Variants in TEX11 observed in about 807,000 individuals in gnomAD.
TEX11 encodes the protein testis expressed 11.
A neutral mutation model predicts 84.4 loss-of-function variants in TEX11; 7 were observed. The observed-to-expected ratio is 0.08, with a 90% confidence interval of 0.05 to 0.16. The LOEUF is 0.16. Among genes scored for constraint, TEX11 ranks in the 10% least tolerant of loss-of-function variants. TEX11 has a pLI of 1.00. For synonymous variants in TEX11, 264 were observed against 222.8 expected, an observed-to-expected ratio of 1.18 and a Z score of -1.64; for missense variants, 551 against 660.5, an observed-to-expected ratio of 0.83 and a Z score of 1.82.
intron 9 of TEX11, among the ~76,000 whole-genome samples, chrX:70,753,065 A>C (rs1032271702): frequency 1.8e-5 from 2 of 109,987 alleles, no homozygotes; most frequent in African/African-American, 6.6e-5. Context: ...TTGAGATCCC[A>C]CAAGCCCCGC....
intron 8 of TEX11, among the ~76,000 whole-genome samples, chrX:70,816,612 T>C (rs1347475216): frequency 2.7e-5 from 3 of 109,343 alleles, no homozygotes; most frequent in Non-Finnish European, 3.8e-5. Flanking sequence ...CTCAGGAGGC[T>C]GAGGCAGGAC....
At chrX:70,641,982 T>C (rs769304474) in intron 17 of TEX11, among the ~76,000 whole-genome samples, 1 of 110,553 alleles carries the variant, frequency 9.0e-6, no homozygotes, top group South Asian at 3.9e-4. Flanking sequence ...ATCCAGGAGC[T>C]GGTTTTTTGA....
chrX:70,773,610 T>C (rs2090984443), intron 9 of TEX11, among the ~76,000 whole-genome samples: 2 of 111,465 alleles, frequency 1.8e-5, no homozygotes, highest in African/African-American at 6.5e-5. Context: ...AAACTCACCA[T>C]AAAGGTAAGA....
intron 16 of TEX11, among the ~76,000 whole-genome samples, chrX:70,662,066 C>T (rs920171741): frequency 9.0e-6 from 1 of 111,526 alleles, no homozygotes; most frequent in Non-Finnish European, 1.9e-5. Flanking sequence ...CAAACTACTC[C>T]GAGCTAAAGG....
At chrX:70,620,028 G>A (rs1236276721) in intron 20 of TEX11, among the ~76,000 whole-genome samples, 1 of 110,366 alleles carries the variant, frequency 9.1e-6, no homozygotes, top group Non-Finnish European at 1.9e-5. Context: ...GTTTCACTGT[G>A]TCAGCCAGGA....
chrX:70,648,738 A>C (rs944632339), intron 17 of TEX11, among the ~76,000 whole-genome samples: 3 of 111,392 alleles, frequency 2.7e-5, no homozygotes, highest in Non-Finnish European at 5.7e-5. Flanking sequence ...AAGTTCTAGG[A>C]TACATGTGCA....
intron 17 of TEX11, among the ~76,000 whole-genome samples, chrX:70,637,210 T>C (rs1177322608): frequency 8.9e-6 from 1 of 112,098 alleles, no homozygotes; most frequent in Non-Finnish European, 1.9e-5. Flanking sequence ...TACCATCTCA[T>C]GCCAGTCAGA....
chrX:70,889,341 C>G (rs1224706370), intron 2 of TEX11, among the ~76,000 whole-genome samples: 1 of 109,605 alleles, frequency 9.1e-6, no homozygotes, highest in Non-Finnish European at 1.9e-5. Flanking sequence ...CGCTTGAACC[C>G]AGGAGGCGGT....
chrX:70,908,103 C>T (rs931511167), intron 1 of TEX11, among the ~76,000 whole-genome samples: 5 of 111,521 alleles, frequency 4.5e-5, no homozygotes. Context: ...GCTCAAAATC[C>T]GCTTCCGCTA....
intron 28 of TEX11, among the ~76,000 whole-genome samples, chrX:70,547,858 T>C (rs1309692462): frequency 8.9e-6 from 1 of 112,096 alleles, no homozygotes; most frequent in Non-Finnish European, 1.9e-5. Flanking sequence ...GAAGTCAGTG[T>C]GGCAATTCCT....
chrX:70,846,656 G>A (rs779172381), intron 7 of TEX11, among the ~76,000 whole-genome samples: 9 of 111,856 alleles, frequency 8.0e-5, no homozygotes, highest in African/African-American at 9.7e-5. Flanking sequence ...AGGCATGGTC[G>A]CTCACGCCTG....
intron 9 of TEX11, among the ~76,000 whole-genome samples, chrX:70,751,725 A>C (rs1390847492): frequency 8.9e-6 from 1 of 112,186 alleles, no homozygotes; most frequent in Non-Finnish European, 1.9e-5. Flanking sequence ...ATACATTCCC[A>C]GGTAAGCAAA....
chrX:70,656,725 G>A (rs1378669432), intron 16 of TEX11, among the ~76,000 whole-genome samples: 3 of 111,939 alleles, frequency 2.7e-5, no homozygotes, highest in Non-Finnish European at 3.8e-5. Context: ...AGAAAAGGAG[G>A]ACCCCAAAAT....
intron 9 of TEX11, among the ~76,000 whole-genome samples, chrX:70,744,461 A>G (rs1242742257): frequency 9.2e-6 from 1 of 108,497 alleles, no homozygotes; most frequent in African/African-American, 3.3e-5. Flanking sequence ...CACTACAATT[A>G]TATTGATGCC....
intron 28 of TEX11, among the ~76,000 whole-genome samples, chrX:70,546,060 T>C (rs1240219499): frequency 8.9e-6 from 1 of 112,172 alleles, no homozygotes; most frequent in Non-Finnish European, 1.9e-5. Flanking sequence ...GTACAAGCTG[T>C]TAAAGTTTAC....
At chrX:70,702,571 T>C (rs190360545) in intron 13 of TEX11, among the ~76,000 whole-genome samples, 150 of 111,828 alleles carry the variant, frequency 1.3e-3, no homozygotes, top group African/African-American at 4.7e-3. Context: ...GATGTTTGCC[T>C]GCATATAGTT....
chrX:70,726,183 T>C lies in TEX11; in HGVS notation c.844-840A>G, dbSNP rs573607223. ...CAATTCCCTTTTATCTTCAGAGACA[T>C]AGAGGTCTTCCAGATCTTGGCAACA... is the stretch of plus-strand genomic sequence containing the variant. On this transcript the variant is annotated intron_variant, in intron 11 of 29. Coordinates refer to ENST00000374333, the MANE Select transcript of TEX11 (RefSeq NM_031276.3). Among the ~76,000 whole-genome samples, 8 of 112,271 alleles carry C rather than the reference T, an allele frequency of 7.1e-5. No individual in the cohort carries two copies. In the South Asian group the frequency reaches 3.0e-3, roughly 42 times the overall value.
chrX:70,809,721 T>C (rs1401122043), intron 8 of TEX11, among the ~76,000 whole-genome samples: 3 of 110,724 alleles, frequency 2.7e-5, no homozygotes, highest in East Asian at 2.8e-4. Context: ...TTTTTTGAGA[T>C]AGAGTCACTC....
At chrX:70,597,601 C>T (rs1302629007) in intron 24 of TEX11, among the ~76,000 whole-genome samples, 1 of 111,597 alleles carries the variant, frequency 9.0e-6, no homozygotes, top group Non-Finnish European at 1.9e-5. Context: ...TATCTCACAC[C>T]ATACACAAAA....
Sources: gnomAD v4.1 joint callset for allele counts (sites outside exome capture counted in the v4.1 genomes callset) on GRCh38, gnomAD v4.1.1 for gene constraint, MANE v1.5 for transcripts, NCBI Gene and HGNC (gene_info 2026-07-23, HGNC 2026-07-21) for gene names.